Variants in PSG8 observed in about 807,000 individuals in gnomAD.
PSG8 encodes pregnancy-specific beta-1-glycoprotein 8.
In PSG8, 57 loss-of-function variants were observed where a neutral mutation model predicts 42.5. The ratio of observed to expected loss-of-function variants is 1.34; its 90% CI spans 1.08 to 1.67. The LOEUF is 1.67. Among genes scored for constraint, PSG8 ranks in the 40% most tolerant of loss-of-function variants. The pLI, the probability that PSG8 is intolerant of heterozygous loss-of-function variation, is 0.00. For synonymous variants in PSG8, 280 were observed against 196.8 expected, an observed-to-expected ratio of 1.42 and a Z score of -3.54; for missense variants, 783 against 518.6, an observed-to-expected ratio of 1.51 and a Z score of -4.95.
At chr19:42,760,355 T>C (rs1970042372) in intron 2 of PSG8, among the ~76,000 whole-genome samples, 1 of 152,202 alleles carries the variant, frequency 6.6e-6, no homozygotes, top group Non-Finnish European at 1.5e-5. Context: ...TACATGTATG[T>C]TACAGCCTTT....
At chr19:42,763,449 G>A (rs1184686324) in intron 2 of PSG8, among the ~76,000 whole-genome samples, 1 of 152,096 alleles carries the variant, frequency 6.6e-6, no homozygotes, top group Non-Finnish European at 1.5e-5. Context: ...AGTAAGCCCT[G>A]CCCAAGAAGC....
intron 2 of PSG8, among the ~76,000 whole-genome samples, chr19:42,761,851 T>TTTC (rs1970084139): frequency 3.8e-5 from 5 of 130,160 alleles, no homozygotes; most frequent in Admixed American, 8.2e-5. Context: ...TTTTTTTTTT[T>TTTC]TGTGCAGGAG....
chr19:42,759,818 A>G (rs903878984), intron 2 of PSG8, among the ~76,000 whole-genome samples: 1 of 152,154 alleles, frequency 6.6e-6, no homozygotes, highest in Non-Finnish European at 1.5e-5. Flanking sequence ...TGGTAGTAGT[A>G]TTTCTCTTGA....
At chr19:42,759,119 C>T (rs1163956234) in intron 2 of PSG8, among the ~76,000 whole-genome samples, 3 of 152,034 alleles carry the variant, frequency 2.0e-5, no homozygotes, top group Non-Finnish European at 2.9e-5. Flanking sequence ...AAAGGGCGAA[C>T]ATGAACAGAT....
chr19:42,759,262 C>G (rs1970012589), intron 2 of PSG8, among the ~76,000 whole-genome samples: 1 of 152,066 alleles, frequency 6.6e-6, no homozygotes, highest in South Asian at 2.1e-4. Context: ...CTCTATGTAC[C>G]TGATATCAGT....
At chr19:42,761,051 C>T (rs370446257) in intron 2 of PSG8, among the ~76,000 whole-genome samples, 2,503 of 152,056 alleles carry the variant, frequency 0.016, 39 homozygotes, top group African/African-American at 0.028. Context: ...GAGTCATGGG[C>T]GAAATGAGCC....
At position 42,755,118 on chromosome 19, in the gene PSG8, T is replaced by C. The variant is rs1969886992; in HGVS notation, c.858A>G (p.Val286=). The C allele has an allele frequency of 6.2e-7, 1 of 1,611,796 alleles. No individual in the cohort carries two copies. Among genetic ancestry groups the C allele is most frequent in the Admixed American group, 1.7e-5 (1 of 59,984 alleles). ...NGQSLPVSPR[V]KRPIENRILI... ...GGATCCTGTTTTCAATGGGTCGCTTTACCCTGGGACTGACCGGGAGGCTCT... is the reference window on the plus strand; with the variant it reads ...GGATCCTGTTTTCAATGGGTCGCTTCACCCTGGGACTGACCGGGAGGCTCT... The change falls in exon 4 of 5, where the codon GTA becomes GTG. Residue 286 remains valine, a synonymous_variant. Transcript: ENST00000306511.
intron 2 of PSG8, among the ~76,000 whole-genome samples, chr19:42,762,183 C>A (rs1184086908): frequency 2.0e-5 from 3 of 151,750 alleles, no homozygotes; most frequent in Non-Finnish European, 2.9e-5. Context: ...CTGTGCAGGA[C>A]AGGGCTTGCC....
In PSG8 at chr19:42,757,987, A is replaced by G. The variant is rs569710924; in HGVS notation, c.709+15T>C. 2 of 1,614,056 alleles carry G rather than the reference A, an allele frequency of 1.2e-6. No individual in the cohort carries two copies. The highest frequency in any genetic ancestry group is 8.5e-7 in the Non-Finnish European group (1 of 1,179,960). On this transcript the variant is annotated intron_variant, in intron 3 of 4. Transcript: ENST00000306511. ...GGATGGCAGCCTGGCTCACAGAGGA[A>G]CAGAAAATACTCACGGAGGAGATTC...
At chr19:42,756,143 C>T (rs1477713136) in intron 3 of PSG8, 1 of 152,132 alleles carries the variant, frequency 6.6e-6, no homozygotes, top group African/African-American at 2.4e-5. Flanking sequence ...CCTCATGGAC[C>T]ATGTGTGTTT....
chr19:42,752,865 G>A (rs1430689975), downstream of PSG8: 10 of 216,164 alleles, frequency 4.6e-5, no homozygotes, highest in African/African-American at 1.4e-4. Flanking sequence ...AAACACACGG[G>A]CAATATCTCT....
chr19:42,753,834 A>C, downstream of PSG8: 1 of 444,314 alleles, frequency 2.3e-6, no homozygotes, highest in Non-Finnish European at 4.3e-6. Flanking sequence ...TTGTTGCTGT[A>C]CTTGTGCAAA....
chr19:42,764,383 A>G, intron 1 of PSG8, 102 bp from the exon 2 acceptor site: 2 of 1,505,816 alleles, frequency 1.3e-6, no homozygotes, highest in Non-Finnish European at 1.8e-6. Flanking sequence ...CTCAGCCTTG[A>G]AGACACAGAC....
downstream of PSG8, chr19:42,753,470 C>G (rs1969832250): frequency 1.3e-6 from 1 of 743,256 alleles, no homozygotes; most frequent in African/African-American, 1.7e-5. Flanking sequence ...TAATTTTTCT[C>G]TCTATGGGCA....
intron 2 of PSG8, among the ~76,000 whole-genome samples, chr19:42,761,626 C>T (rs189604323): frequency 1.7e-4 from 26 of 152,110 alleles, no homozygotes; most frequent in East Asian, 1.5e-3. Flanking sequence ...CATTTCCCTC[C>T]GCCCACATGA....
intron 4 of PSG8, 92 bp downstream of exon 4, chr19:42,754,896 T>C (rs1449752397): frequency 6.4e-7 from 1 of 1,568,922 alleles, no homozygotes; most frequent in African/African-American, 1.4e-5. Flanking sequence ...AAGGTGTCTA[T>C]ACTTGGACCA....
At chr19:42,759,319 G>A (rs1378543570) in intron 2 of PSG8, among the ~76,000 whole-genome samples, 3 of 152,098 alleles carry the variant, frequency 2.0e-5, no homozygotes, top group African/African-American at 7.2e-5. Flanking sequence ...TCTACGAGCT[G>A]GGATCAGGGC....
In PSG8 at chr19:42,755,195, T is replaced by C. The variant is rs370986372; in HGVS notation, c.781A>G (p.Thr261Ala). The C allele has an allele frequency of 1.6e-5, 26 of 1,611,916 alleles. No individual in the cohort carries two copies. The African/African-American group carries it at 2.9e-4, about 18-fold the overall frequency. The change falls in exon 4 of 5, where the codon ACC becomes GCC. Residue 261 changes from threonine to alanine, a missense_variant. Physicochemically the swap from Thr to Ala is moderately conservative, Grantham distance 58. Coordinates refer to ENST00000306511, the MANE Select transcript of PSG8 (RefSeq NM_182707.3). ...TAGTTCTCACTCTTAGGTTCACAGG[T>C]GAAGTTTAAGACATCCTTATTCTCC... ...PRENKDVLNFTCEPKSENYTY... is the reference protein window; with the variant it reads ...PRENKDVLNFACEPKSENYTY...
chr19:42,756,911 C>T (rs542868367), intron 3 of PSG8, among the ~76,000 whole-genome samples: 1,644 of 151,410 alleles, frequency 0.011, 34 homozygotes, highest in African/African-American at 0.038. Flanking sequence ...ACATTGAATC[C>T]GCAACTCACT....
Sources: gnomAD v4.1 joint callset for allele counts (sites outside exome capture counted in the v4.1 genomes callset) on GRCh38, gnomAD v4.1.1 for gene constraint, MANE v1.5 for transcripts, NCBI Gene and HGNC (gene_info 2026-07-23, HGNC 2026-07-21) for gene names.